The following TRPV1 variants were observed in gnomAD, a reference collection of about 807,000 sequenced individuals.
The protein encoded by TRPV1 is transient receptor potential cation channel subfamily V member 1.
A neutral mutation model predicts 82.3 loss-of-function variants in TRPV1; 82 were observed. That is an observed-to-expected ratio of 1.00 (90% CI 0.83 to 1.20). TRPV1 has a LOEUF of 1.20. Ranked by LOEUF, TRPV1 falls within the 50% of genes most tolerant of loss-of-function variation. The probability of loss-of-function intolerance (pLI) is 0.00; values close to 1 mark genes in which losing one functional copy is unlikely to be tolerated. For missense variants in TRPV1, 1,067 were observed against 1,096.8 expected (o/e 0.97, Z 0.38); for synonymous variants, 515 against 467.7 (o/e 1.10, Z -1.30).
rs1232660143 is a variant in TRPV1, at chr17:3,588,269, C to T, written c.1143G>A (p.Ser381=). ...TGTCGATGCAGGACAGGTCGTACAG[C>T]GAGGAGTGCACGGGCCCGTAGGCCC... is the stretch of plus-strand genomic sequence containing the variant. ...TEWAYGPVHS[S]LYDLSCIDTC... is the part of the protein sequence containing the mutation. The change falls in exon 8 of 17, where the codon TCG becomes TCA. Residue 381 remains serine (S), a synonymous_variant. Transcript: ENST00000572705. The T allele has an allele frequency of 3.2e-6, 5 of 1,581,874 alleles. No homozygotes were observed. Among genetic ancestry groups the T allele is most frequent in the East Asian group, 2.3e-5 (1 of 42,870 alleles).
chr17:3,596,304 C>CATCT lies in TRPV1; in HGVS notation c.-33-3922_-33-3921insAGAT, dbSNP rs1221222246. Among the ~76,000 whole-genome samples, 4 of 116,342 alleles carry CATCT rather than the reference C, an allele frequency of 3.4e-5. No homozygotes were observed. In the African/African-American group the frequency reaches 4.6e-4, roughly 13 times the overall value. 76.3% of individuals were successfully genotyped at this position (116,342 alleles called of 152,430 possible). On this transcript the variant is annotated intron_variant, in intron 2 of 16. Transcript: ENST00000572705. ...CCTCTCTCTGCCCAAAGCATCCATCCATCCATCCATCCATCCAAGTTCTTG... is the reference window on the plus strand; with the variant it reads ...CCTCTCTCTGCCCAAAGCATCCATCCATCTATCCATCCATCCATCCAAGTTCTTG...
In TRPV1 at chr17:3,565,920, C is replaced by G. The variant is rs199697759; in HGVS notation, c.*895G>C. The G allele has an allele frequency of 6.6e-6, 1 of 152,204 alleles. No individual in the cohort carries two copies. Among genetic ancestry groups the G allele is most frequent in the Non-Finnish European group, 1.5e-5 (1 of 68,056 alleles). The allele number at this position is 152,204 out of a possible 1,614,324, so 9.4% of individuals were successfully genotyped here. The stretch of plus-strand genomic sequence containing the variant: ...AGCGCAGCGGCTCACACCTGTAATC[C>G]CAGCACTTTGGGAGGCCAAGGCGGG... On this transcript the variant is annotated 3_prime_UTR_variant, in exon 17 of 17. Transcript: ENST00000572705.
Position 3,571,449 on chromosome 17 carries a change from A to T in TRPV1, c.2347+75T>A. ...ATGAGGAACCCGGCAAGGCGTGGGG[A>T]ACCTGCAAAGCTCCCCCTGCCCAAC... On this transcript the variant is annotated intron_variant, in intron 16 of 16. Transcript: ENST00000572705. 3 of 1,214,940 alleles carry T rather than the reference A, an allele frequency of 2.5e-6. No homozygotes were observed. In the Admixed American group the frequency reaches 6.3e-5, roughly 26 times the overall value. The allele number at this position is 1,214,940 out of a possible 1,614,324, so 75.3% of individuals were successfully genotyped here.
At chr17:3,590,737 G>A (rs1404173811) in intron 5 of TRPV1, among the ~76,000 whole-genome samples, 1 of 152,110 alleles carries the variant, frequency 6.6e-6, no homozygotes, top group African/African-American at 2.4e-5. Flanking sequence ...ACTTCTCAGG[G>A]TCAAGAGAGG....
At chr17:3,596,562 C>A (rs1486540581) in intron 2 of TRPV1, among the ~76,000 whole-genome samples, 1 of 152,206 alleles carries the variant, frequency 6.6e-6, no homozygotes, top group African/African-American at 2.4e-5. Context: ...CGCTGAAAAC[C>A]TCCGGCCACA....
intron 2 of TRPV1, 130 bp from the exon 3 acceptor site, chr17:3,592,513 GC>G: frequency 1.1e-6 from 1 of 922,128 alleles, no homozygotes; most frequent in Non-Finnish European, 1.6e-6. Flanking sequence ...GCTGCCCCCA[GC>G]CCCCTAGAAC....
At chr17:3,608,067 C>T (rs1370772549) in intron 2 of TRPV1, among the ~76,000 whole-genome samples, 4 of 151,862 alleles carry the variant, frequency 2.6e-5, no homozygotes, top group Non-Finnish European at 5.9e-5. Flanking sequence ...CTAAATTAGC[C>T]AGGCGTGGTG....
intron 16 of TRPV1, among the ~76,000 whole-genome samples, chr17:3,568,049 G>A (rs544854310): frequency 1.5e-3 from 228 of 152,274 alleles, no homozygotes; most frequent in Non-Finnish European, 2.5e-3. Context: ...AAGGCCGGGC[G>A]CGGTGGCTCA....
At chr17:3,569,339 A>G (rs997789575) in intron 16 of TRPV1, among the ~76,000 whole-genome samples, 59 of 152,218 alleles carry the variant, frequency 3.9e-4, no homozygotes, top group African/African-American at 1.4e-3. Context: ...AGGTGGGAGG[A>G]TCACTTGAAC....
intron 11 of TRPV1, chr17:3,578,232 C>A (rs1311460125): frequency 6.5e-6 from 1 of 154,414 alleles, no homozygotes. Flanking sequence ...CACCTGAACC[C>A]GGGAGGCGGA....
At chr17:3,598,066 A>G (rs1388543882) in intron 2 of TRPV1, among the ~76,000 whole-genome samples, 3 of 152,248 alleles carry the variant, frequency 2.0e-5, no homozygotes, top group Admixed American at 1.3e-4. Flanking sequence ...AGTCACATAC[A>G]GCAGATAACT....
intron 2 of TRPV1, among the ~76,000 whole-genome samples, chr17:3,593,419 G>A (rs1030985878): frequency 2.6e-5 from 4 of 152,120 alleles, no homozygotes; most frequent in Admixed American, 1.3e-4. Flanking sequence ...ATGAGCTGAT[G>A]CTATTTTCCA....
At chr17:3,597,672 CTTTTTTT>C (rs34662119) in intron 2 of TRPV1, among the ~76,000 whole-genome samples, 132 of 117,894 alleles carry the variant, frequency 1.1e-3, no homozygotes, top group African/African-American at 4.4e-3. Context: ...GTGTCATTTC[CTTTTTTT>C]TTTTTTTTTT....
At chr17:3,586,710 T>C (rs2075089977) in intron 8 of TRPV1, among the ~76,000 whole-genome samples, 1 of 152,042 alleles carries the variant, frequency 6.6e-6, no homozygotes, top group South Asian at 2.1e-4. Context: ...AAGCAGAAGT[T>C]GCAGTGAGCT....
rs1228384091 is a variant in TRPV1, at chr17:3,585,926, T to G, written c.1225A>C (p.Asn409His). The G allele has an allele frequency of 6.2e-7, 1 of 1,612,822 alleles. No individual in the cohort carries two copies. The highest frequency in any genetic ancestry group is 1.7e-5 in the Admixed American group (1 of 59,896). ...TCCACCAAGAGCATGTCGTGGCGAT[T>G]CTAGGGGGTGGGGAGAGAAGTGAGG... Reference protein sequence around the residue: ...VIAYSSSETPNRHDMLLVEPL... With the variant: ...VIAYSSSETPHRHDMLLVEPL... Residue 409 changes from asparagine to histidine, a missense_variant and splice_region_variant, in exon 9 of 17, where the codon AAT (asparagine) becomes CAT (histidine). Physicochemically the swap from Asn to His is moderately conservative, Grantham distance 68. Coordinates refer to ENST00000572705, the MANE Select transcript of TRPV1 (RefSeq NM_080704.4).
chr17:3,571,681 G>T, intron 15 of TRPV1, 42 bp from the exon 16 acceptor site: 1 of 1,502,060 alleles, frequency 6.7e-7, no homozygotes, highest in Non-Finnish European at 9.1e-7. Context: ...GCTGTGCCCA[G>T]CTTCCCGGGC....
intron 2 of TRPV1, among the ~76,000 whole-genome samples, chr17:3,593,471 TG>T (rs1013039659): frequency 2.8e-4 from 43 of 152,228 alleles, no homozygotes; most frequent in African/African-American, 9.9e-4. Context: ...TCCCTCTGGC[TG>T]GGCATCCCCA....
chr17:3,577,239 G>T, intron 12 of TRPV1, 47 bp from the exon 13 acceptor site: 2 of 1,553,094 alleles, frequency 1.3e-6, no homozygotes, highest in African/African-American at 1.4e-5. Context: ...GGCCCAGGAG[G>T]AGCTGAGGGA....
intron 10 of TRPV1, among the ~76,000 whole-genome samples, chr17:3,581,297 T>C (rs1301316493): frequency 6.6e-6 from 1 of 152,090 alleles, no homozygotes; most frequent in East Asian, 1.9e-4. Flanking sequence ...TTTTTCTTAA[T>C]TTTAAGTAAG....
Sources: gnomAD v4.1 joint callset for allele counts (sites outside exome capture counted in the v4.1 genomes callset) on GRCh38, gnomAD v4.1.1 for gene constraint, MANE v1.5 for transcripts, NCBI Gene and HGNC (gene_info 2026-07-23, HGNC 2026-07-21) for gene names.